Variants in TMEFF2 observed in about 807,000 individuals in gnomAD.
TMEFF2 encodes the protein tomoregulin-2.
Under a neutral mutation model 53.8 loss-of-function variants are expected in TMEFF2, and 28 were observed. The observed-to-expected ratio is 0.52, with a 90% confidence interval of 0.39 to 0.71. The LOEUF (loss-of-function observed/expected upper bound fraction) is 0.71. Ranked by LOEUF, TMEFF2 falls within the 30% of genes least tolerant of loss-of-function variation. The probability of loss-of-function intolerance (pLI) is 0.00; values close to 1 mark genes in which losing one functional copy is unlikely to be tolerated. For synonymous variants in TMEFF2, 162 were observed against 166.3 expected (o/e 0.97, Z 0.20); for missense variants, 353 against 455.2 (o/e 0.78, Z 2.04).
chr2:192,075,305 ATATATAT>A (rs1688393118), intron 4 of TMEFF2, among the ~76,000 whole-genome samples: 1 of 27,958 alleles, frequency 3.6e-5, no homozygotes. Flanking sequence ...ATATATATAT[ATATATAT>A]ATATATATAT....
intron 8 of TMEFF2, 51 bp downstream of exon 8, chr2:191,956,204 T>C: frequency 6.5e-7 from 1 of 1,528,428 alleles, no homozygotes; most frequent in Admixed American, 2.2e-5. Context: ...ACAATTTAGT[T>C]TCTACATATT....
chr2:192,101,654 C>T lies in TMEFF2; in HGVS notation c.440-43879G>A, dbSNP rs1307500326. On this transcript the variant is annotated intron_variant, in intron 4 of 9. Transcript: ENST00000272771. ...GCAAATGGATGAGCTGGGATAGGAA[C>T]CCTGTGTTCTGATTCATTTGTACAT... Among the ~76,000 whole-genome samples, 7 of 152,260 alleles carry T rather than the reference C, an allele frequency of 4.6e-5. No individual in the cohort carries two copies. The South Asian group carries it at 6.2e-4, about 14-fold the overall frequency.
intron 4 of TMEFF2, among the ~76,000 whole-genome samples, chr2:192,152,416 A>C (rs1690409469): frequency 6.6e-6 from 1 of 151,880 alleles, no homozygotes; most frequent in Non-Finnish European, 1.5e-5. Context: ...GACCTCATGG[A>C]AGGTAGTTAA....
chr2:192,193,498 C>T (rs976400710), intron 1 of TMEFF2, among the ~76,000 whole-genome samples: 1 of 152,094 alleles, frequency 6.6e-6, no homozygotes, highest in Admixed American at 6.6e-5. Context: ...AGTGCCTGAC[C>T]CACTCCACAG....
chr2:192,070,274 G>A lies in TMEFF2; in HGVS notation c.440-12499C>T, dbSNP rs192462297. 2.3e-3 allele frequency among the ~76,000 whole-genome samples: 347 copies of A among 151,622 alleles called. 3 individuals carry two copies. Among genetic ancestry groups the A allele is most frequent in the Admixed American group, 0.016 (238 of 15,162 alleles). ...AAGCATTTTAAATGTCAAAGGATCC[G>A]TCTGACCATAACACTGTGAGTCACA... On this transcript the variant is annotated intron_variant, in intron 4 of 9. Coordinates refer to ENST00000272771, the MANE Select transcript of TMEFF2 (RefSeq NM_016192.4).
At chr2:191,976,041 A>G (rs1373079795) in intron 7 of TMEFF2, among the ~76,000 whole-genome samples, 2 of 152,232 alleles carry the variant, frequency 1.3e-5, no homozygotes, top group African/African-American at 4.8e-5. Flanking sequence ...TTTGTCTCAC[A>G]ACACATAATT....
At chr2:192,077,031 A>G (rs1034767920) in intron 4 of TMEFF2, among the ~76,000 whole-genome samples, 16 of 152,190 alleles carry the variant, frequency 1.1e-4, no homozygotes, top group East Asian at 5.8e-4. Context: ...TCAGAAAATG[A>G]TATCTAAATG....
intron 4 of TMEFF2, among the ~76,000 whole-genome samples, chr2:192,118,989 A>G (rs904606046): frequency 6.6e-5 from 10 of 152,166 alleles, no homozygotes; most frequent in African/African-American, 2.4e-4. Context: ...CTTTATTCTC[A>G]GAGCTTATAA....
chr2:192,003,570 T>C (rs1465722771), intron 5 of TMEFF2, among the ~76,000 whole-genome samples: 1 of 152,242 alleles, frequency 6.6e-6, no homozygotes, highest in Non-Finnish European at 1.5e-5. Context: ...CAGTGAATGT[T>C]AGTTTTAAGA....
At chr2:192,189,621 G>A (rs7608482) in intron 2 of TMEFF2, among the ~76,000 whole-genome samples, 128,858 of 148,046 alleles carry the variant, frequency 0.87, 56,322 homozygotes, top group East Asian at 1. Context: ...AGAAGTTTAG[G>A]ATAATATATA....
At chr2:192,080,067 T>C (rs1337376156) in intron 4 of TMEFF2, among the ~76,000 whole-genome samples, 2 of 152,160 alleles carry the variant, frequency 1.3e-5, no homozygotes, top group Non-Finnish European at 2.9e-5. Flanking sequence ...TTACTATCAA[T>C]GTAAATTAAG....
intron 2 of TMEFF2, among the ~76,000 whole-genome samples, chr2:192,189,816 T>G (rs1691418516): frequency 6.6e-6 from 1 of 152,152 alleles, no homozygotes; most frequent in African/African-American, 2.4e-5. Context: ...ATTCAGCCAC[T>G]CTATATTCTT....
At position 192,057,699 on chromosome 2, in the gene TMEFF2, G is replaced by A. The variant is rs781411048; in HGVS notation, c.516C>T (p.Asp172=). The change falls in exon 5 of 10, where the codon GAC becomes GAT. Residue 172 remains aspartate (D), a synonymous_variant. Transcript: ENST00000272771. ...ATTACCAGACATCCTCGGCATCTTC[G>A]TCACATTCTGCACCAAACTGGCAAA... ...CDICQFGAEC[D]EDAEDVWCVC... is the part of the protein sequence containing the mutation. The A allele has an allele frequency of 2.0e-5, 33 of 1,613,818 alleles. No individual in the cohort carries two copies. Among genetic ancestry groups the A allele is most frequent in the East Asian group, 4.5e-5 (2 of 44,882 alleles).
At chr2:192,116,166 G>A (rs554164037) in intron 4 of TMEFF2, among the ~76,000 whole-genome samples, 2 of 151,970 alleles carry the variant, frequency 1.3e-5, no homozygotes, top group East Asian at 3.9e-4. Context: ...TTAAAAAGAA[G>A]AAAATCTTGC....
chr2:192,020,273 A>G (rs1686831868), intron 5 of TMEFF2, among the ~76,000 whole-genome samples: 1 of 152,120 alleles, frequency 6.6e-6, no homozygotes, highest in Admixed American at 6.6e-5. Context: ...AATATATGTT[A>G]TGAATCATTA....
intron 9 of TMEFF2, among the ~76,000 whole-genome samples, chr2:191,951,460 G>A (rs942908597): frequency 2.1e-5 from 3 of 141,816 alleles, no homozygotes; most frequent in Non-Finnish European, 4.8e-5. Context: ...GAAAGAAGGA[G>A]AAGAGATAGA....
chr2:192,144,455 T>C (rs1690205701), intron 4 of TMEFF2, among the ~76,000 whole-genome samples: 1 of 152,058 alleles, frequency 6.6e-6, no homozygotes, highest in Non-Finnish European at 1.5e-5. Flanking sequence ...ATTTGTCCAA[T>C]AATGTTAGAG....
chr2:192,046,610 A>G (rs907184403), intron 5 of TMEFF2, among the ~76,000 whole-genome samples: 4 of 152,050 alleles, frequency 2.6e-5, no homozygotes, highest in Admixed American at 6.6e-5. Flanking sequence ...TTTGCTTCCT[A>G]TTCCTTTGTT....
At chr2:192,038,505 C>T (rs947818223) in intron 5 of TMEFF2, among the ~76,000 whole-genome samples, 73 of 151,960 alleles carry the variant, frequency 4.8e-4, no homozygotes, top group Non-Finnish European at 4.4e-4. Flanking sequence ...ACTGACACTG[C>T]TCTTTTCTTT....
Sources: gnomAD v4.1 joint callset for allele counts (sites outside exome capture counted in the v4.1 genomes callset) on GRCh38, gnomAD v4.1.1 for gene constraint, MANE v1.5 for transcripts, NCBI Gene and HGNC (gene_info 2026-07-23, HGNC 2026-07-21) for gene names.